The following JAM3 variants were observed in gnomAD, a reference collection of about 807,000 sequenced individuals.
The protein encoded by JAM3 is junctional adhesion molecule 3.
In JAM3, 31 loss-of-function variants were observed where a neutral mutation model predicts 39.4. That is an observed-to-expected ratio of 0.79 (90% CI 0.59 to 1.06). The LOEUF is 1.06. JAM3 is among the 50% of genes least tolerant of loss of function. The pLI is 0.00. For synonymous variants in JAM3, 182 were observed against 148.7 expected (o/e 1.22, Z -1.63); for missense variants, 455 against 391.4 (o/e 1.16, Z -1.37).
chr11:134,103,628 C>T lies in JAM3; in HGVS notation c.76+34469C>T, dbSNP rs910563685. 2.0e-4 allele frequency among the ~76,000 whole-genome samples: 30 copies of T among 152,100 alleles called. No homozygotes were observed. The South Asian group carries it at 2.1e-3, about 11-fold the overall frequency. ...GTATTCAGGAGACCCATATCATGTG[C>T]GGAGACACACATAGGCTTAAAATAA... is the stretch of plus-strand genomic sequence containing the variant. On this transcript the variant is annotated intron_variant, in intron 1 of 8. Coordinates refer to ENST00000299106, the MANE Select transcript of JAM3 (RefSeq NM_032801.5).
chr11:134,115,466 CTTTG>C (rs370921010), intron 1 of JAM3, among the ~76,000 whole-genome samples: 48 of 152,084 alleles, frequency 3.2e-4, no homozygotes, highest in Middle Eastern at 3.4e-3. Context: ...TATTGGGTAA[CTTTG>C]TTTGGTCTTT....
chr11:134,097,995 T>C (rs1942012888), intron 1 of JAM3, among the ~76,000 whole-genome samples: 1 of 152,154 alleles, frequency 6.6e-6, no homozygotes, highest in South Asian at 2.1e-4. Context: ...TCATTTTCAG[T>C]CAGTGAAAAA....
At chr11:134,137,054 A>G (rs1942878001) in intron 1 of JAM3, among the ~76,000 whole-genome samples, 1 of 151,676 alleles carries the variant, frequency 6.6e-6, no homozygotes, top group Non-Finnish European at 1.5e-5. Flanking sequence ...CGGAGCTTGC[A>G]GTGAGCCGAG....
At chr11:134,077,820 T>G (rs1941598013) in intron 1 of JAM3, among the ~76,000 whole-genome samples, 1 of 151,562 alleles carries the variant, frequency 6.6e-6, no homozygotes, top group Admixed American at 6.6e-5. Flanking sequence ...CCTGGCTAAT[T>G]TTTGTATTTT....
At chr11:134,099,857 G>T (rs533989564) in intron 1 of JAM3, among the ~76,000 whole-genome samples, 1 of 152,084 alleles carries the variant, frequency 6.6e-6, no homozygotes, top group African/African-American at 2.4e-5. Context: ...CGCCTGCCTT[G>T]GCCTCCCAAA....
intron 1 of JAM3, among the ~76,000 whole-genome samples, chr11:134,069,950 G>T (rs1002826874): frequency 6.6e-6 from 1 of 152,172 alleles, no homozygotes; most frequent in African/African-American, 2.4e-5. Context: ...TAGCATTCGG[G>T]GCATTTGATC....
chr11:134,077,011 T>A (rs774136046), intron 1 of JAM3, among the ~76,000 whole-genome samples: 19 of 152,050 alleles, frequency 1.2e-4, no homozygotes, highest in Non-Finnish European at 2.2e-4. Flanking sequence ...ATTTTTGTAT[T>A]TTTAGTAGAG....
intron 1 of JAM3, among the ~76,000 whole-genome samples, chr11:134,078,326 G>T (rs1002425409): frequency 3.9e-5 from 6 of 152,008 alleles, no homozygotes; most frequent in Admixed American, 3.9e-4. Flanking sequence ...CGCCATGTTG[G>T]CCAGGCTAGT....
intron 1 of JAM3, among the ~76,000 whole-genome samples, chr11:134,085,661 C>T (rs1286748406): frequency 6.6e-6 from 1 of 152,178 alleles, no homozygotes; most frequent in Non-Finnish European, 1.5e-5. Context: ...TATTGACCTA[C>T]TAATTTAAAT....
chr11:134,135,576 C>T lies in JAM3; in HGVS notation c.77-4275C>T, dbSNP rs373091403. Among the ~76,000 whole-genome samples, 30 of 150,174 alleles carry T rather than the reference C, an allele frequency of 2.0e-4. No individual in the cohort carries two copies. In the South Asian group the frequency reaches 6.1e-3, roughly 31 times the overall value. ...TTTTTGAGATGGAGTCTCACTCTGT[C>T]GCCCAAGCTGGAGTGCAGTGGCCTG... On this transcript the variant is annotated intron_variant, in intron 1 of 8. Transcript: ENST00000299106.
At chr11:134,118,344 G>A (rs369265898) in intron 1 of JAM3, among the ~76,000 whole-genome samples, 2 of 152,114 alleles carry the variant, frequency 1.3e-5, no homozygotes, top group Non-Finnish European at 2.9e-5. Context: ...TGCAAAGATG[G>A]TGACCCTCCC....
chr11:134,098,051 T>G (rs779744635), intron 1 of JAM3, among the ~76,000 whole-genome samples: 1 of 152,138 alleles, frequency 6.6e-6, no homozygotes, highest in East Asian at 1.9e-4. Context: ...CTTTTCTGCT[T>G]AGTTCCCCTA....
intron 1 of JAM3, among the ~76,000 whole-genome samples, chr11:134,076,398 GC>G (rs1353211652): frequency 1.3e-5 from 2 of 151,768 alleles, no homozygotes; most frequent in Non-Finnish European, 2.9e-5. Flanking sequence ...CAGGTGATCC[GC>G]CTGCCTCGGC....
intron 1 of JAM3, among the ~76,000 whole-genome samples, chr11:134,136,747 A>G (rs1016991728): frequency 6.6e-6 from 1 of 151,490 alleles, no homozygotes; most frequent in African/African-American, 2.5e-5. Flanking sequence ...CATGAAAAAT[A>G]AAATACAAAG....
rs951299786 is a variant in JAM3 at position 134,149,367 on chromosome 11, C to T, written c.*186C>T. ...CAAGCCACATGAATAGAAGAATTTT[C>T]CTCAAGATGGACCCGGTAAATATAA... On this transcript the variant is annotated 3_prime_UTR_variant, in exon 9 of 9. Coordinates refer to ENST00000299106, the MANE Select transcript of JAM3 (RefSeq NM_032801.5). The T allele has an allele frequency of 1.6e-5, 11 of 682,224 alleles. No individual in the cohort carries two copies. In the African/African-American group the frequency reaches 1.8e-4, roughly 11 times the overall value. The allele number at this position is 682,224 out of a possible 1,614,324, so 42.3% of individuals were successfully genotyped here.
chr11:134,082,460 T>C (rs1382128078), intron 1 of JAM3, among the ~76,000 whole-genome samples: 7 of 152,284 alleles, frequency 4.6e-5, no homozygotes, highest in Non-Finnish European at 2.9e-5. Context: ...AATTTCCTTG[T>C]AATGTGGGGG....
intron 1 of JAM3, among the ~76,000 whole-genome samples, chr11:134,080,405 C>G (rs368241267): frequency 6.6e-6 from 1 of 152,172 alleles, no homozygotes; most frequent in Non-Finnish European, 1.5e-5. Context: ...GTGTCCCCAC[C>G]CAAATCTTGT....
intron 1 of JAM3, among the ~76,000 whole-genome samples, chr11:134,101,229 G>A (rs1472328547): frequency 1.3e-5 from 2 of 152,196 alleles, no homozygotes; most frequent in African/African-American, 4.8e-5. Context: ...GCAAATTAAT[G>A]TGTTAACATT....
chr11:134,134,596 A>G (rs1287961354), intron 1 of JAM3, among the ~76,000 whole-genome samples: 1 of 152,148 alleles, frequency 6.6e-6, no homozygotes, highest in African/African-American at 2.4e-5. Flanking sequence ...CAAGCTTTTC[A>G]TGGTGGCTGC....
Sources: gnomAD v4.1 joint callset for allele counts (sites outside exome capture counted in the v4.1 genomes callset) on GRCh38, gnomAD v4.1.1 for gene constraint, MANE v1.5 for transcripts, NCBI Gene and HGNC (gene_info 2026-07-23, HGNC 2026-07-21) for gene names.